Variants in SP140 observed in about 807,000 individuals in gnomAD.
SP140 encodes SP140 nuclear body protein.
Under a neutral mutation model 125.0 loss-of-function variants are expected in SP140, and 81 were observed. That is an observed-to-expected ratio of 0.65 (90% CI 0.54 to 0.78). The LOEUF is 0.78. Among genes scored for constraint, SP140 ranks in the 30% least tolerant of loss-of-function variants. The pLI is 0.00. For synonymous variants in SP140, 312 were observed against 354.0 expected (o/e 0.88, Z 1.33); for missense variants, 858 against 1,037.0 (o/e 0.83, Z 2.37).
chr2:230,198,658 G>A (rs1173362054), upstream of SP140, among the ~76,000 whole-genome samples: 1 of 152,042 alleles, frequency 6.6e-6, no homozygotes, highest in Non-Finnish European at 1.5e-5. Context: ...GCAGTGGCAT[G>A]ATCTTGGCTC....
At chr2:230,193,633 C>T in the SP140 span, among the ~76,000 whole-genome samples, 7 of 152,202 alleles carry the variant, frequency 4.6e-5, no homozygotes, top group African/African-American at 1.7e-4. Context: ...TTGCCAGATA[C>T]AAAATTCTTG....
At chr2:230,197,737 G>C in the SP140 span, among the ~76,000 whole-genome samples, 1 of 151,722 alleles carries the variant, frequency 6.6e-6, no homozygotes, top group Admixed American at 6.6e-5. Context: ...GTAAGGAAGG[G>C]ATCCAGTTTC....
chr2:230,259,795 TACCACATAC>T (rs1559279368), intron 12 of SP140, among the ~76,000 whole-genome samples: 31 of 111,380 alleles, frequency 2.8e-4, no homozygotes, highest in South Asian at 5.2e-4. Flanking sequence ...TATATATATA[TACCACATAC>T]ATACATATAT....
At chr2:230,289,697 A>G (rs2056895661) in intron 18 of SP140, among the ~76,000 whole-genome samples, 1 of 152,044 alleles carries the variant, frequency 6.6e-6, no homozygotes. Flanking sequence ...CTGGTCTCGA[A>G]CTCCTGACGT....
intron 14 of SP140, 129 bp downstream of exon 14, chr2:230,270,082 G>T (rs2053705766): frequency 1.5e-6 from 1 of 649,264 alleles, no homozygotes; most frequent in Non-Finnish European, 2.8e-6. Flanking sequence ...TGAGCCTTTG[G>T]GGAGCTGCAG....
Position 230,311,582 on chromosome 2 carries a change from G to C in SP140, c.2492G>C (p.Arg831Thr). The C allele has an allele frequency of 6.4e-7, 1 of 1,554,002 alleles. No individual in the cohort carries two copies. Among genetic ancestry groups the C allele is most frequent in the South Asian group, 1.2e-5 (1 of 80,264 alleles). ...ATGCGCCTCATCTTCCAGAACCACA[G>C]GGCCTCTTACAAGGTAGGTGGCTCT... ...QDMRLIFQNH[R>T]ASYKYKDFGQ... Residue 831 changes from arginine to threonine, a missense_variant, in exon 26 of 27, where the codon AGG (arginine) becomes ACG (threonine). Coordinates refer to ENST00000392045, the MANE Select transcript of SP140 (RefSeq NM_007237.5).
At chr2:230,239,942 G>C (rs2048486845) in intron 3 of SP140, among the ~76,000 whole-genome samples, 1 of 152,124 alleles carries the variant, frequency 6.6e-6, no homozygotes, top group Non-Finnish European at 1.5e-5. Flanking sequence ...TTCTGTCTGT[G>C]GACTGTGGGG....
At chr2:230,234,447 C>A (rs564565953) in intron 1 of SP140, among the ~76,000 whole-genome samples, 2 of 152,232 alleles carry the variant, frequency 1.3e-5, no homozygotes, top group Non-Finnish European at 2.9e-5. Flanking sequence ...GCAAAATATT[C>A]TTTGAGTCCT....
chr2:230,197,982 A>G, the SP140 span, among the ~76,000 whole-genome samples: 140 of 152,310 alleles, frequency 9.2e-4, no homozygotes, highest in Non-Finnish European at 1.9e-3. Context: ...TGAAGATTTT[A>G]TTAGGAATAT....
intron 7 of SP140, among the ~76,000 whole-genome samples, chr2:230,246,216 T>C (rs958251068): frequency 2.0e-5 from 3 of 152,062 alleles, no homozygotes; most frequent in Non-Finnish European, 4.4e-5. Flanking sequence ...GAGGCACAAG[T>C]AGCAAAAGAA....
At chr2:230,213,755 C>T (rs2044762340) in exon 2 of SP140, 1 of 152,758 alleles carries the variant, frequency 6.5e-6, no homozygotes, top group Admixed American at 6.5e-5. Context: ...CGGAAGATGA[C>T]TGAAGCTCAG....
the SP140 span, among the ~76,000 whole-genome samples, chr2:230,195,315 G>A: frequency 1.3e-5 from 2 of 152,094 alleles, no homozygotes; most frequent in Non-Finnish European, 2.9e-5. Flanking sequence ...TATACTAGAG[G>A]ACTAACATTT....
At chr2:230,221,009 T>C (rs556663669), upstream of SP140, among the ~76,000 whole-genome samples, 3 of 151,196 alleles carry the variant, frequency 2.0e-5, no homozygotes, top group African/African-American at 7.3e-5. Flanking sequence ...TGGGCCAGGC[T>C]CGGTGGCTCA....
At chr2:230,226,758 A>G (rs1221499766) in intron 1 of SP140, among the ~76,000 whole-genome samples, 2 of 94,760 alleles carry the variant, frequency 2.1e-5, no homozygotes, top group Non-Finnish European at 4.1e-5. Context: ...GTGAAATTCC[A>G]TCTCAAAAAA....
chr2:230,314,463 T>G (rs2059468489), downstream of SP140, among the ~76,000 whole-genome samples: 1 of 152,156 alleles, frequency 6.6e-6, no homozygotes, highest in Admixed American at 6.5e-5. Context: ...TGAAACCAGA[T>G]ACGTGAGAAT....
rs946029837 is a variant in SP140 at position 230,211,516 on chromosome 2, T to C, written c.-322-2138T>C. ...AGTGGGGCATCTCTTGAGGGTCTTCTTTATCTCTTATTTGGGGGATCAGGT... is the reference window on the plus strand; with the variant it reads ...AGTGGGGCATCTCTTGAGGGTCTTCCTTATCTCTTATTTGGGGGATCAGGT... On this transcript the variant is annotated intron_variant, in intron 1 of 4. Transcript: ENST00000456542. This position sits in a 1 kb window ranked among gnomAD's most constrained non-coding sequence, Gnocchi z 4.2. 1 of 1,612,356 alleles carries C rather than the reference T, an allele frequency of 6.2e-7. No homozygotes were observed. The highest frequency in any genetic ancestry group is 1.7e-5 in the Admixed American group (1 of 60,018).
chr2:230,269,584 G>C lies in SP140; in HGVS notation c.1293G>C (p.Glu431Asp). 6.2e-7 allele frequency: 1 copy of C among 1,604,060 alleles called. No homozygotes were observed. Among genetic ancestry groups the C allele is most frequent in the Non-Finnish European group, 8.5e-7 (1 of 1,173,508 alleles). Reference protein sequence around the residue: ...HPMNEEGESEELASSLLYDNV... With the variant: ...HPMNEEGESEDLASSLLYDNV... ...TGAATGAAGAAGGAGAATCAGAAGAGCTTGCTTCTAGCCTGCTATATGATA... is the reference window on the plus strand; with the variant it reads ...TGAATGAAGAAGGAGAATCAGAAGACCTTGCTTCTAGCCTGCTATATGATA... Residue 431 changes from glutamate (E) to aspartate (D), a missense_variant, in exon 13 of 27, where the codon GAG becomes GAC. Glu to Asp is a conservative substitution (Grantham distance 45). Around this residue, in one of 4 missense-constraint regions of SP140, gnomAD observed 791 missense variants for 869.5 expected, o/e 0.91. Transcript: ENST00000392045.
intron 12 of SP140, among the ~76,000 whole-genome samples, chr2:230,256,899 A>G (rs767813214): frequency 6.6e-6 from 1 of 152,116 alleles, no homozygotes; most frequent in Non-Finnish European, 1.5e-5. Context: ...TTTTCAGAGT[A>G]CTCTGATAGG....
chr2:230,266,421 C>T (rs747743611), intron 12 of SP140, among the ~76,000 whole-genome samples: 4 of 152,136 alleles, frequency 2.6e-5, no homozygotes, highest in Admixed American at 6.5e-5. Flanking sequence ...CTTTGTATCC[C>T]TTAGGCCGTA....
Sources: allele counts gnomAD v4.1 joint callset (sites outside exome capture counted in the v4.1 genomes callset), GRCh38; gene constraint gnomAD v4.1.1; regional missense constraint gnomAD v4.1.1; non-coding constraint Gnocchi (gnomAD v3.1); transcripts MANE v1.5; gene names NCBI Gene and HGNC (gene_info 2026-07-23, HGNC 2026-07-21).